The following IPCEF1 variants were observed in gnomAD, a reference collection of about 807,000 sequenced individuals.
IPCEF1 encodes interactor protein for cytohesin exchange factors 1.
A neutral mutation model predicts 50.9 loss-of-function variants in IPCEF1; 31 were observed. That is an observed-to-expected ratio of 0.61 (90% confidence interval 0.46 to 0.82). IPCEF1 has a LOEUF of 0.82. Ranked by LOEUF, IPCEF1 falls within the 40% of genes least tolerant of loss-of-function variation. The probability of loss-of-function intolerance (pLI) is 0.00; values close to 1 mark genes in which losing one functional copy is unlikely to be tolerated. For synonymous variants in IPCEF1, 181 were observed against 192.0 expected (o/e 0.94, Z 0.47); for missense variants, 458 against 514.0 (o/e 0.89, Z 1.05).
chr6:154,195,354 A>G lies in IPCEF1; in HGVS notation c.910+4314T>C, dbSNP rs1055224986. Reference sequence around the variant, plus strand: ...AATAGAGATGGGGTTTCACCATGTTAGCCAGGATGGTCTCGATCTCCTGAC... The same window carrying G: ...AATAGAGATGGGGTTTCACCATGTTGGCCAGGATGGTCTCGATCTCCTGAC... On this transcript the variant is annotated intron_variant, in intron 10 of 11. Coordinates refer to ENST00000367220, the MANE Select transcript of IPCEF1 (RefSeq NM_001130700.2). 4.6e-5 allele frequency among the ~76,000 whole-genome samples: 7 copies of G among 151,814 alleles called. No individual in the cohort carries two copies. The East Asian group carries it at 5.8e-4, about 13-fold the overall frequency.
At chr6:154,228,020 G>A (rs561439755) in intron 5 of IPCEF1, among the ~76,000 whole-genome samples, 14 of 151,934 alleles carry the variant, frequency 9.2e-5, no homozygotes, top group Non-Finnish European at 1.6e-4. Flanking sequence ...GACAATCACA[G>A]AGGGCAAATC....
chr6:154,185,826 A>T (rs1801292707), intron 10 of IPCEF1, among the ~76,000 whole-genome samples: 1 of 152,256 alleles, frequency 6.6e-6, no homozygotes, highest in Non-Finnish European at 1.5e-5. Context: ...AAGTTGATGA[A>T]TTTGTGTTGG....
intron 1 of IPCEF1, among the ~76,000 whole-genome samples, chr6:154,329,789 A>G (rs1176341864): frequency 1.3e-5 from 2 of 152,204 alleles, no homozygotes; most frequent in East Asian, 1.9e-4. Flanking sequence ...TTAGTGGCGA[A>G]TTCACATGCT....
intron 3 of IPCEF1, among the ~76,000 whole-genome samples, chr6:154,249,624 C>T (rs1391829609): frequency 6.6e-6 from 1 of 152,070 alleles, no homozygotes. Flanking sequence ...AGAGGAAAGT[C>T]CCTGGAGGGC....
intron 3 of IPCEF1, 147 bp from the exon 4 acceptor site, chr6:154,247,635 C>T: frequency 1.7e-6 from 1 of 577,042 alleles, no homozygotes; most frequent in Non-Finnish European, 3.1e-6. Flanking sequence ...CGGGGAGCTA[C>T]TAGCTGAGGC....
chr6:154,231,299 A>G (rs1257716884), intron 5 of IPCEF1, among the ~76,000 whole-genome samples: 1 of 152,248 alleles, frequency 6.6e-6, no homozygotes, highest in African/African-American at 2.4e-5. Flanking sequence ...ATTCTCAAAC[A>G]CTGCTGGTGG....
chr6:154,185,407 AAGTT>A (rs1801250641), intron 10 of IPCEF1, among the ~76,000 whole-genome samples: 1 of 152,200 alleles, frequency 6.6e-6, no homozygotes, highest in Non-Finnish European at 1.5e-5. Context: ...TAATGGCAAA[AAGTT>A]AGAGTTTAGA....
chr6:154,268,154 C>T (rs1013672035), intron 2 of IPCEF1, among the ~76,000 whole-genome samples: 1 of 152,206 alleles, frequency 6.6e-6, no homozygotes. Flanking sequence ...CTTGTGGGGA[C>T]TTTGCTCCCA....
intron 1 of IPCEF1, among the ~76,000 whole-genome samples, chr6:154,340,984 A>G (rs936750044): frequency 2.9e-4 from 44 of 152,224 alleles, no homozygotes; most frequent in African/African-American, 1.0e-3. Flanking sequence ...AAGTGTATAT[A>G]TATGTAAGAA....
rs1294256682 is a variant in IPCEF1, at chr6:154,180,205, T to C, written c.911-12092A>G. Reference sequence around the variant, plus strand: ...GCTTAAAAGTGTCAGTGCCTCATAATGTTGAGTTGGTGCGAATTTGGGTTA... The same window carrying C: ...GCTTAAAAGTGTCAGTGCCTCATAACGTTGAGTTGGTGCGAATTTGGGTTA... On this transcript the variant is annotated intron_variant, in intron 10 of 11. Transcript: ENST00000367220. Among the ~76,000 whole-genome samples, 10 of 152,188 alleles carry C rather than the reference T, an allele frequency of 6.6e-5. No homozygotes were observed. The East Asian group carries it at 1.9e-3, about 29-fold the overall frequency.
At chr6:154,267,742 G>A (rs1183298035) in intron 2 of IPCEF1, among the ~76,000 whole-genome samples, 1 of 152,188 alleles carries the variant, frequency 6.6e-6, no homozygotes, top group African/African-American at 2.4e-5. Context: ...CCTCTCTGCA[G>A]GCAGGTTAGC....
At chr6:154,296,872 G>A (rs150189700) in intron 1 of IPCEF1, among the ~76,000 whole-genome samples, 4 of 151,486 alleles carry the variant, frequency 2.6e-5, no homozygotes, top group African/African-American at 9.7e-5. Flanking sequence ...CATCCTCAAC[G>A]GTTTTGGATA....
Position 154,212,760 on chromosome 6 carries a change from C to G in IPCEF1, c.537+10G>C. The G allele has an allele frequency of 1.9e-6, 3 of 1,576,800 alleles. No individual in the cohort carries two copies. The highest frequency in any genetic ancestry group is 1.7e-6 in the Non-Finnish European group (2 of 1,146,206). ...TCGATGACCAACAGACTACTTATGT[C>G]GGTACATACCAAAGACTGAGTCTGG... On this transcript the variant is annotated intron_variant, in intron 9 of 11. Transcript: ENST00000367220.
chr6:154,203,910 C>T (rs564317143), intron 9 of IPCEF1, among the ~76,000 whole-genome samples: 8 of 152,228 alleles, frequency 5.3e-5, no homozygotes, highest in East Asian at 3.9e-4. Context: ...GTGATTTATC[C>T]GAATCCCAGG....
chr6:154,297,521 T>C (rs111557671), intron 1 of IPCEF1, among the ~76,000 whole-genome samples: 187 of 152,330 alleles, frequency 1.2e-3, no homozygotes, highest in African/African-American at 4.0e-3. Context: ...GCTCTGCCAA[T>C]AACTACAGCA....
intron 1 of IPCEF1, among the ~76,000 whole-genome samples, chr6:154,294,946 C>T (rs1358046704): frequency 2.6e-5 from 4 of 152,104 alleles, no homozygotes; most frequent in Non-Finnish European, 5.9e-5. Context: ...TGCCTGTAAT[C>T]CCAGCACTTT....
intron 1 of IPCEF1, among the ~76,000 whole-genome samples, chr6:154,346,572 G>A (rs1784033616): frequency 6.6e-6 from 1 of 152,182 alleles, no homozygotes; most frequent in Admixed American, 6.5e-5. Flanking sequence ...CTGAGACTCG[G>A]TAATTTATAA....
intron 11 of IPCEF1, among the ~76,000 whole-genome samples, chr6:154,167,513 T>C (rs1799536956): frequency 6.6e-6 from 1 of 152,150 alleles, no homozygotes; most frequent in Non-Finnish European, 1.5e-5. Context: ...CTTGTATGAA[T>C]CAGATGAAAA....
intron 3 of IPCEF1, among the ~76,000 whole-genome samples, chr6:154,256,503 A>C (rs144507473): frequency 6.6e-6 from 1 of 151,744 alleles, no homozygotes; most frequent in Non-Finnish European, 1.5e-5. Context: ...CTATCTGTCT[A>C]TATGGCATTC....
Sources: allele counts gnomAD v4.1 joint callset (sites outside exome capture counted in the v4.1 genomes callset), GRCh38; gene constraint gnomAD v4.1.1; transcripts MANE v1.5; gene names NCBI Gene and HGNC (gene_info 2026-07-23, HGNC 2026-07-21).